TMCC1: variants seen among roughly 807,000 people sequenced by gnomAD.
The protein encoded by TMCC1 is transmembrane and coiled-coil domains protein 1.
Under a neutral mutation model 52.4 loss-of-function variants are expected in TMCC1, and 15 were observed. The observed-to-expected ratio is 0.29, with a 90% CI of 0.19 to 0.44. The LOEUF is 0.44. Ranked by LOEUF, TMCC1 falls within the 20% of genes least tolerant of loss-of-function variation. TMCC1 has a pLI of 1.00. For synonymous variants in TMCC1, 279 were observed against 301.9 expected, an observed-to-expected ratio of 0.92 and a Z score of 0.79; for missense variants, 503 against 806.0, an observed-to-expected ratio of 0.62 and a Z score of 4.55.
intron 4 of TMCC1, among the ~76,000 whole-genome samples, chr3:129,781,676 G>C (rs1290207145): frequency 6.6e-6 from 1 of 152,146 alleles, no homozygotes; most frequent in African/African-American, 2.4e-5. Flanking sequence ...AGTTAATGGA[G>C]AGCAGACTAT....
In TMCC1 at chr3:129,651,535, C is replaced by G. The variant is rs779063309; in HGVS notation, c.1908G>C (p.Lys636Asn). The G allele has an allele frequency of 6.2e-7, 1 of 1,614,188 alleles. No individual in the cohort carries two copies. Among genetic ancestry groups the G allele is most frequent in the Non-Finnish European group, 8.5e-7 (1 of 1,180,032 alleles). Residue 636 changes from lysine (K) to asparagine (N), a missense_variant, in exon 7 of 7, where the codon AAG (lysine) becomes AAC (asparagine). This residue lies in a region of TMCC1 where 50 missense variants were observed against 62.6 expected (regional missense o/e 0.80). Coordinates refer to ENST00000393238, the MANE Select transcript of TMCC1 (RefSeq NM_001017395.5). This position sits in a 1 kb window ranked among gnomAD's most constrained non-coding sequence, Gnocchi z 5.1. ...FLVVFIAFLW[K>N]HWDALFSYVE... The stretch of plus-strand genomic sequence containing the variant: ...CATAGCTGAAGAGGGCGTCCCAGTG[C>G]TTCCAGAGAAAGGCAATAAAAACCA...
intron 4 of TMCC1, among the ~76,000 whole-genome samples, chr3:129,717,371 C>T (rs2049187835): frequency 6.6e-6 from 1 of 152,054 alleles, no homozygotes; most frequent in Admixed American, 6.6e-5. Flanking sequence ...TCCAGTACAC[C>T]ATCCTCTCTA....
At chr3:129,709,604 T>A (rs958684670) in intron 4 of TMCC1, among the ~76,000 whole-genome samples, 44 of 150,982 alleles carry the variant, frequency 2.9e-4, no homozygotes, top group Non-Finnish European at 4.3e-4. Flanking sequence ...ACAATAAAAA[T>A]TTATTTTACA....
chr3:129,732,686 A>G (rs748397444), intron 4 of TMCC1, among the ~76,000 whole-genome samples: 2 of 152,030 alleles, frequency 1.3e-5, no homozygotes, highest in Non-Finnish European at 2.9e-5. Flanking sequence ...GGAGAGAGAA[A>G]AAAAGCAATT....
At chr3:129,874,741 T>C (rs1162265785) in intron 2 of TMCC1, among the ~76,000 whole-genome samples, 1 of 151,264 alleles carries the variant, frequency 6.6e-6, no homozygotes, top group Non-Finnish European at 1.5e-5. Context: ...CCTGTAGTCC[T>C]AGCTACTTGG....
In TMCC1 at chr3:129,650,608, C is replaced by T. The variant is rs972067004; in HGVS notation, c.*873G>A. 1 of 152,552 alleles carries T rather than the reference C, an allele frequency of 6.6e-6. No homozygotes were observed. The highest frequency in any genetic ancestry group is 6.5e-5 in the Admixed American group (1 of 15,268). 9.4% of individuals were successfully genotyped at this position (152,552 alleles called of 1,614,324 possible). On this transcript the variant is annotated 3_prime_UTR_variant, in exon 7 of 7. Transcript: ENST00000393238. Reference sequence around the variant, plus strand: ...AAGGAAAAATAAAAGACCCTCCCAACCCTGTCCAAAAAAACCCAATAATAA... The same window carrying T: ...AAGGAAAAATAAAAGACCCTCCCAATCCTGTCCAAAAAAACCCAATAATAA...
At chr3:129,840,880 C>T (rs1405345339) in intron 2 of TMCC1, among the ~76,000 whole-genome samples, 1 of 152,060 alleles carries the variant, frequency 6.6e-6, no homozygotes, top group Non-Finnish European at 1.5e-5. Context: ...AATGGACTAA[C>T]CCAGAAAATT....
chr3:129,845,190 TCACACACACACACACACA>T (rs67832332), intron 2 of TMCC1, among the ~76,000 whole-genome samples: 1 of 148,980 alleles, frequency 6.7e-6, no homozygotes, highest in Admixed American at 6.7e-5. Context: ...CCTGTCACAC[TCACACACACACACACACA>T]CACACACACA....
rs150804768 is a variant in TMCC1 at position 129,657,045 on chromosome 3, C to CT, written c.1512-1943dup. ...CTCTTTACCAGAGAGGGGCCAGAGA[C>CT]TTTTTTAAAGCCGCATTCCAAAGTG... On this transcript the variant is annotated intron_variant, in intron 5 of 6. Coordinates refer to ENST00000393238, the MANE Select transcript of TMCC1 (RefSeq NM_001017395.5). Among the ~76,000 whole-genome samples the CT allele has an allele frequency of 4.8e-3, 729 of 152,238 alleles. 18 individuals are homozygous for CT. The highest frequency in any genetic ancestry group is 0.033 in the East Asian group (169 of 5,182).
At chr3:129,666,450 G>C (rs974795777) in intron 5 of TMCC1, among the ~76,000 whole-genome samples, 1 of 152,146 alleles carries the variant, frequency 6.6e-6, no homozygotes, top group Non-Finnish European at 1.5e-5. Flanking sequence ...GCTTAAAATA[G>C]GTTTCTGGCC....
intron 4 of TMCC1, among the ~76,000 whole-genome samples, chr3:129,764,666 C>T (rs1181822094): frequency 6.7e-6 from 1 of 148,824 alleles, no homozygotes; most frequent in East Asian, 2.0e-4. Context: ...TCCTAACTGT[C>T]AAATCATCTC....
Position 129,774,056 on chromosome 3 carries a change from T to C in TMCC1, c.576+53747A>G, listed in dbSNP as rs556130449. Among the ~76,000 whole-genome samples the C allele has an allele frequency of 4.9e-4, 75 of 152,362 alleles. 2 individuals are homozygous for C. The South Asian group carries it at 0.016, about 32-fold the overall frequency. On this transcript the variant is annotated intron_variant, in intron 4 of 6. Transcript: ENST00000393238. ...TGGCACAACATAACAGTAATGAGCA[T>C]ACCTCATGCTTTAAATGGTCTCTAA...
At chr3:129,818,358 G>A (rs972723700) in intron 4 of TMCC1, among the ~76,000 whole-genome samples, 1 of 151,702 alleles carries the variant, frequency 6.6e-6, no homozygotes, top group African/African-American at 2.4e-5. Flanking sequence ...AACTTTTAAA[G>A]AACAGTTTCA....
chr3:129,888,270 G>C (rs1425855766), intron 1 of TMCC1, among the ~76,000 whole-genome samples: 1 of 152,174 alleles, frequency 6.6e-6, no homozygotes, highest in East Asian at 1.9e-4. Context: ...GAGACATCAC[G>C]AAGTCATGTT....
chr3:129,664,283 A>C (rs2087274617), intron 5 of TMCC1, among the ~76,000 whole-genome samples: 2 of 152,202 alleles, frequency 1.3e-5, no homozygotes, highest in Non-Finnish European at 2.9e-5. Flanking sequence ...AAAGGGGCTA[A>C]AACAGGTACC....
At chr3:129,879,265 A>C (rs1395210798) in intron 2 of TMCC1, among the ~76,000 whole-genome samples, 2 of 152,130 alleles carry the variant, frequency 1.3e-5, no homozygotes, top group African/African-American at 4.8e-5. Flanking sequence ...ACATAGCGAG[A>C]CCCTCATCTC....
At chr3:129,870,677 T>G (rs1437076876) in intron 2 of TMCC1, among the ~76,000 whole-genome samples, 2 of 114,822 alleles carry the variant, frequency 1.7e-5, no homozygotes. Flanking sequence ...AGGCGGAGGT[T>G]GCAGTGAGCC....
chr3:129,794,267 C>CCAT, intron 4 of TMCC1: 1 of 455,462 alleles, frequency 2.2e-6, no homozygotes, highest in South Asian at 1.6e-5. Flanking sequence ...GAAAAAGGAA[C>CCAT]CATGCTGAAG....
intron 1 of TMCC1, among the ~76,000 whole-genome samples, chr3:129,887,737 G>C (rs771532177): frequency 6.6e-6 from 1 of 152,166 alleles, no homozygotes; most frequent in Non-Finnish European, 1.5e-5. Flanking sequence ...GAGGTTGCCA[G>C]AGGCTGGTGT....
Sources: allele counts gnomAD v4.1 joint callset (sites outside exome capture counted in the v4.1 genomes callset), GRCh38; gene constraint gnomAD v4.1.1; regional missense constraint gnomAD v4.1.1; non-coding constraint Gnocchi (gnomAD v3.1); transcripts MANE v1.5; gene names NCBI Gene and HGNC (gene_info 2026-07-23, HGNC 2026-07-21).